FMNL2: variants seen among roughly 807,000 people sequenced by gnomAD.
FMNL2 encodes the protein formin-like protein 2.
In FMNL2, 51 loss-of-function variants were observed where a neutral mutation model predicts 130.2. The ratio of observed to expected loss-of-function variants is 0.39; its 90% CI spans 0.31 to 0.49. The LOEUF is 0.49. Among genes scored for constraint, FMNL2 ranks in the 20% least tolerant of loss-of-function variants. The probability of loss-of-function intolerance (pLI) is 0.85; values close to 1 mark genes in which losing one functional copy is unlikely to be tolerated. For missense variants in FMNL2, 977 were observed against 1,316.2 expected (o/e 0.74, Z 3.99); for synonymous variants, 465 against 467.1 (o/e 1.00, Z 0.06).
chr2:152,519,133 G>C (rs1236661653), intron 1 of FMNL2, among the ~76,000 whole-genome samples: 1 of 152,104 alleles, frequency 6.6e-6, no homozygotes, highest in Non-Finnish European at 1.5e-5. Flanking sequence ...TCCGCCCTCT[G>C]CCTGGCCAAT....
At chr2:152,402,560 G>A (rs1207992230) in intron 1 of FMNL2, among the ~76,000 whole-genome samples, 1 of 152,234 alleles carries the variant, frequency 6.6e-6, no homozygotes, top group Non-Finnish European at 1.5e-5. Context: ...AGACAGGAGA[G>A]TGAGGGTAGG....
chr2:152,378,183 C>G lies in FMNL2; in HGVS notation c.117+42463C>G, dbSNP rs530006046. 2.8e-4 allele frequency among the ~76,000 whole-genome samples: 42 copies of G among 151,738 alleles called. 1 individual carries two copies. The highest frequency in any genetic ancestry group is 7.0e-3 in the Middle Eastern group (2 of 286). ...TACTCTGCAAACAATCTCACCAGCTCTCCAGACCTCTACCAAGTCATAGGG... is the reference window on the plus strand; with the variant it reads ...TACTCTGCAAACAATCTCACCAGCTGTCCAGACCTCTACCAAGTCATAGGG... On this transcript the variant is annotated intron_variant, in intron 1 of 25. Transcript: ENST00000288670.
intron 1 of FMNL2, among the ~76,000 whole-genome samples, chr2:152,371,961 A>G (rs1392249184): frequency 6.6e-6 from 1 of 152,184 alleles, no homozygotes; most frequent in Non-Finnish European, 1.5e-5. Flanking sequence ...CCCAGCCTCC[A>G]TAACTACAAG....
intron 11 of FMNL2, among the ~76,000 whole-genome samples, chr2:152,612,580 A>C (rs1698744343): frequency 6.6e-6 from 1 of 152,122 alleles, no homozygotes; most frequent in African/African-American, 2.4e-5. Flanking sequence ...TTTGTATAGG[A>C]ATGGTCTAGT....
intron 9 of FMNL2, among the ~76,000 whole-genome samples, chr2:152,593,860 A>AGTGTGTGTGTGTGT (rs70974873): frequency 8.8e-6 from 1 of 113,290 alleles, no homozygotes. Context: ...AGAGAGAGAG[A>AGTGTGTGTGTGTGT]GTGTGTGTGT....
chr2:152,558,159 G>A lies in FMNL2; in HGVS notation c.360-581G>A, dbSNP rs867805660. On this transcript the variant is annotated intron_variant, in intron 4 of 25. Coordinates refer to ENST00000288670, the MANE Select transcript of FMNL2 (RefSeq NM_052905.4). ...TGTGCCGGCCTTGATGATAGTATGC[G>A]GTGCCTGCAGCTTTTTAAAAAGGTT... 7.2e-5 allele frequency among the ~76,000 whole-genome samples: 11 copies of A among 152,236 alleles called. No homozygotes were observed. The South Asian group carries it at 1.7e-3, about 23-fold the overall frequency.
chr2:152,559,349 G>T (rs1175337806), intron 5 of FMNL2, among the ~76,000 whole-genome samples: 1 of 152,132 alleles, frequency 6.6e-6, no homozygotes, highest in Non-Finnish European at 1.5e-5. Flanking sequence ...AAGCTGAAGG[G>T]GAGTAAAAAC....
At chr2:152,617,254 C>T in intron 13 of FMNL2, 62 bp downstream of exon 13, 4 of 1,451,296 alleles carry the variant, frequency 2.8e-6, no homozygotes, top group Non-Finnish European at 3.8e-6. Context: ...CAGCTTTCGT[C>T]CAGTGGAACG....
At chr2:152,498,877 G>A (rs1691657910) in intron 1 of FMNL2, among the ~76,000 whole-genome samples, 1 of 152,160 alleles carries the variant, frequency 6.6e-6, no homozygotes, top group African/African-American at 2.4e-5. Context: ...ATGGCAAATG[G>A]TTCCTACTTC....
At chr2:152,418,413 A>T (rs918419798) in intron 1 of FMNL2, among the ~76,000 whole-genome samples, 3 of 152,102 alleles carry the variant, frequency 2.0e-5, no homozygotes, top group African/African-American at 2.4e-5. Flanking sequence ...AGAACTTTTC[A>T]TGTTCCCAAA....
chr2:152,527,533 A>G (rs1321061691), intron 2 of FMNL2, among the ~76,000 whole-genome samples: 1 of 152,192 alleles, frequency 6.6e-6, no homozygotes, highest in African/African-American at 2.4e-5. Flanking sequence ...GACTTGGTTT[A>G]TCCTGGAATA....
chr2:152,356,750 TTGGTGA>T (rs1274641324), intron 1 of FMNL2, among the ~76,000 whole-genome samples: 1 of 150,922 alleles, frequency 6.6e-6, no homozygotes, highest in Non-Finnish European at 1.5e-5. Context: ...TTTTTTTTTT[TTGGTGA>T]TTTTGCTATT....
At chr2:152,536,065 C>T (rs889386088) in intron 2 of FMNL2, among the ~76,000 whole-genome samples, 2 of 152,118 alleles carry the variant, frequency 1.3e-5, no homozygotes, top group Admixed American at 1.3e-4. Context: ...AATGGTTAGC[C>T]CTGGGAGGGC....
At chr2:152,428,426 A>G (rs1156314971) in intron 1 of FMNL2, among the ~76,000 whole-genome samples, 1 of 152,242 alleles carries the variant, frequency 6.6e-6, no homozygotes, top group African/African-American at 2.4e-5. Flanking sequence ...AAAATGCCAT[A>G]GAAATATGGG....
At chr2:152,426,520 C>T (rs34006820) in intron 1 of FMNL2, among the ~76,000 whole-genome samples, 31,383 of 152,162 alleles carry the variant, frequency 0.21, 3,512 homozygotes, top group Middle Eastern at 0.38. Flanking sequence ...CTCACTTTGT[C>T]ACGTCACAAG....
At chr2:152,627,456 G>C (rs1011679563) in intron 17 of FMNL2, among the ~76,000 whole-genome samples, 15 of 152,200 alleles carry the variant, frequency 9.9e-5, no homozygotes, top group African/African-American at 3.4e-4. Flanking sequence ...TATACATTTT[G>C]GTTAGAGGCT....
chr2:152,628,132 G>T (rs1681919327), intron 17 of FMNL2, among the ~76,000 whole-genome samples, 167 bp from the exon 18 acceptor site: 1 of 152,204 alleles, frequency 6.6e-6, no homozygotes. Flanking sequence ...CCAGCACCAG[G>T]GTGGGACTTC....
chr2:152,602,845 C>T (rs1410902615), intron 9 of FMNL2, among the ~76,000 whole-genome samples: 5 of 152,112 alleles, frequency 3.3e-5, no homozygotes, highest in African/African-American at 4.8e-5. Flanking sequence ...ATTAGTGTCT[C>T]GTTCCTTTCA....
At chr2:152,465,010 T>G (rs1444248517) in intron 1 of FMNL2, among the ~76,000 whole-genome samples, 1 of 152,214 alleles carries the variant, frequency 6.6e-6, no homozygotes, top group African/African-American at 2.4e-5. Context: ...GCTAACTTCT[T>G]GGCTTACAGC....
Sources: gnomAD v4.1 joint callset for allele counts (sites outside exome capture counted in the v4.1 genomes callset) on GRCh38, gnomAD v4.1.1 for gene constraint, MANE v1.5 for transcripts, NCBI Gene and HGNC (gene_info 2026-07-23, HGNC 2026-07-21) for gene names.